Variants in OPRM1 observed in about 807,000 individuals in gnomAD.
The protein encoded by OPRM1 is mu-type opioid receptor.
In OPRM1, 27 loss-of-function variants were observed where a neutral mutation model predicts 31.8. The ratio of observed to expected loss-of-function variants is 0.85; its 90% CI spans 0.63 to 1.17. The LOEUF (loss-of-function observed/expected upper bound fraction) is 1.17, where lower values mean the gene tolerates loss of function less well. Ranked by LOEUF, OPRM1 falls within the 50% of genes most tolerant of loss-of-function variation. The pLI is 0.00. For synonymous variants in OPRM1, 196 were observed against 189.9 expected (o/e 1.03, Z -0.26); for missense variants, 536 against 511.1 (o/e 1.05, Z -0.47).
intron 3 of OPRM1, among the ~76,000 whole-genome samples, chr6:154,215,697 A>G (rs1169246436): frequency 6.6e-6 from 1 of 152,172 alleles, no homozygotes; most frequent in African/African-American, 2.4e-5. Flanking sequence ...TTAAGAAATC[A>G]CCTTCAGCAC....
At chr6:154,062,938 T>C (rs1364831190) in intron 1 of OPRM1, among the ~76,000 whole-genome samples, 14 of 151,996 alleles carry the variant, frequency 9.2e-5, no homozygotes, top group Admixed American at 7.9e-4. Flanking sequence ...TTAGGAGCAA[T>C]GAGAACATCC....
At chr6:154,064,507 T>C (rs1022360657) in intron 1 of OPRM1, among the ~76,000 whole-genome samples, 2 of 152,192 alleles carry the variant, frequency 1.3e-5, no homozygotes, top group Non-Finnish European at 2.9e-5. Context: ...ATGCAATGTG[T>C]CCATGTTTGC....
At chr6:154,011,023 G>A (rs1443511597) in intron 1 of OPRM1, 4 of 1,289,990 alleles carry the variant, frequency 3.1e-6, no homozygotes, top group Admixed American at 2.3e-5. Context: ...TCCAGGGTAG[G>A]GTACAGCTCA....
chr6:154,089,771 A>C, intron 1 of OPRM1, 55 bp from the exon 2 acceptor site: 1 of 1,199,140 alleles, frequency 8.3e-7, no homozygotes, highest in South Asian at 1.4e-5. Flanking sequence ...AAGCTTACCT[A>C]TATTTTACAC....
intron 3 of OPRM1, among the ~76,000 whole-genome samples, chr6:154,146,473 A>G (rs1411298592): frequency 6.6e-6 from 1 of 152,256 alleles, no homozygotes; most frequent in Non-Finnish European, 1.5e-5. Flanking sequence ...TTGGTGGATA[A>G]GGGTAACACT....
chr6:154,093,769 CAT>C (rs1439832100), intron 3 of OPRM1, among the ~76,000 whole-genome samples: 2 of 152,324 alleles, frequency 1.3e-5, no homozygotes, highest in East Asian at 3.9e-4. Context: ...GATGCTCTGA[CAT>C]ATTTAAAAAT....
rs538458316 is a variant in OPRM1, at chr6:154,214,895, C to T, written c.1165-31798C>T. On this transcript the variant is annotated intron_variant, in intron 3 of 3. Transcript: ENST00000337049. The stretch of plus-strand genomic sequence containing the variant: ...TTAAACATCAATAACAAAAATAGAA[C>T]GAGACAGAAACTCAAACTTGGCTTA... Among the ~76,000 whole-genome samples the T allele has an allele frequency of 2.2e-4, 34 of 152,236 alleles. No individual in the cohort carries two copies. The South Asian group carries it at 2.5e-3, about 11-fold the overall frequency.
chr6:154,096,979 CA>C (rs1182093122), intron 3 of OPRM1, among the ~76,000 whole-genome samples: 1 of 152,182 alleles, frequency 6.6e-6, no homozygotes, highest in East Asian at 1.9e-4. Flanking sequence ...CCTTCATCTC[CA>C]AAGTAGCACA....
intron 3 of OPRM1, among the ~76,000 whole-genome samples, chr6:154,193,061 C>T (rs1471446343): frequency 6.6e-6 from 1 of 152,174 alleles, no homozygotes; most frequent in Admixed American, 6.5e-5. Flanking sequence ...AAGAAGGATA[C>T]TTGCATGCAT....
In OPRM1 at chr6:154,012,661, T is replaced by C. The variant is rs115052919; in HGVS notation, c.-1+1643T>C. On this transcript the variant is annotated intron_variant, in intron 1 of 5. Coordinates refer to the OPRM1 transcript ENST00000434900. ...GCAATGTTCAAAAGTTAAAATAGGG[T>C]CTATGACATGTTTTCTAAAAATGAA... Among the ~76,000 whole-genome samples the C allele has an allele frequency of 3.3e-3, 500 of 152,236 alleles. 2 individuals carry two copies. The highest frequency in any genetic ancestry group is 0.012 in the African/African-American group (486 of 41,530).
At chr6:154,220,064 T>A (rs1362062776) in intron 3 of OPRM1, among the ~76,000 whole-genome samples, 2 of 151,908 alleles carry the variant, frequency 1.3e-5, no homozygotes. Context: ...AGTTGCTTTT[T>A]TTCTTCATGT....
intron 1 of OPRM1, among the ~76,000 whole-genome samples, chr6:154,047,110 A>G (rs2128408881): frequency 6.6e-6 from 1 of 152,326 alleles, no homozygotes; most frequent in African/African-American, 2.4e-5. Flanking sequence ...GCCTTTATTC[A>G]TATGCTTCGA....
intron 3 of OPRM1, among the ~76,000 whole-genome samples, chr6:154,151,737 A>T (rs1798504318): frequency 6.6e-6 from 1 of 152,138 alleles, no homozygotes; most frequent in Admixed American, 6.5e-5. Context: ...TACTCTGGCT[A>T]GAACTGCCGA....
chr6:154,136,856 C>T (rs1374231079), downstream of OPRM1, among the ~76,000 whole-genome samples: 1 of 152,052 alleles, frequency 6.6e-6, no homozygotes, highest in Non-Finnish European at 1.5e-5. Flanking sequence ...GGTAGCTGCC[C>T]ACACCTACTT....
At chr6:154,177,458 C>G (rs914696217) in intron 3 of OPRM1, among the ~76,000 whole-genome samples, 1 of 152,044 alleles carries the variant, frequency 6.6e-6, no homozygotes, top group Admixed American at 6.5e-5. Flanking sequence ...AACAAACAAC[C>G]CCATCAGAAA....
chr6:154,197,626 G>T (rs1053916304), intron 3 of OPRM1, among the ~76,000 whole-genome samples: 1 of 152,180 alleles, frequency 6.6e-6, no homozygotes, highest in Non-Finnish European at 1.5e-5. Context: ...CATTAAAAGG[G>T]CTGGTGGTAC....
At chr6:154,223,819 G>A (rs1243039440) in intron 3 of OPRM1, among the ~76,000 whole-genome samples, 1 of 152,178 alleles carries the variant, frequency 6.6e-6, no homozygotes, top group African/African-American at 2.4e-5. Context: ...CAGGGCCTTG[G>A]GGATTAAATC....
At chr6:154,220,894 C>T (rs534540375) in intron 3 of OPRM1, among the ~76,000 whole-genome samples, 1 of 152,322 alleles carries the variant, frequency 6.6e-6, no homozygotes, top group African/African-American at 2.4e-5. Flanking sequence ...ATATATTAAA[C>T]GCTATAGCAA....
rs111951297 is a variant in OPRM1 at position 154,199,220 on chromosome 6, C to T, written c.1165-47473C>T. 3.9e-5 allele frequency among the ~76,000 whole-genome samples: 6 copies of T among 152,216 alleles called. No homozygotes were observed. The East Asian group carries it at 1.2e-3, about 29-fold the overall frequency. On this transcript the variant is annotated intron_variant, in intron 3 of 3. Coordinates refer to the OPRM1 transcript ENST00000337049. ...CCACACAGGAACATTCAGGAGCCGACAGGCTAAGAATTAGATACTGTCTGG... is the reference window on the plus strand; with the variant it reads ...CCACACAGGAACATTCAGGAGCCGATAGGCTAAGAATTAGATACTGTCTGG...
Sources: gnomAD v4.1 joint callset for allele counts (sites outside exome capture counted in the v4.1 genomes callset) on GRCh38, gnomAD v4.1.1 for gene constraint, MANE v1.5 for transcripts, NCBI Gene and HGNC (gene_info 2026-07-23, HGNC 2026-07-21) for gene names.